Variants in ZP3 observed in about 807,000 individuals in gnomAD.
ZP3 encodes zona pellucida sperm-binding protein 3.
ZP3 carries 21 observed loss-of-function variants against 35.6 expected under a neutral mutation model. The observed-to-expected ratio is 0.59, with a 90% CI of 0.42 to 0.85. The LOEUF is 0.85. Ranked by LOEUF, ZP3 falls within the 40% of genes least tolerant of loss-of-function variation. ZP3 has a pLI of 0.00. For synonymous variants in ZP3, 207 were observed against 214.5 expected (o/e 0.96, Z 0.31); for missense variants, 437 against 536.5 (o/e 0.81, Z 1.83).
At chr7:76,430,518 G>A (rs1426219192) in intron 2 of ZP3, among the ~76,000 whole-genome samples, 15 of 152,062 alleles carry the variant, frequency 9.9e-5, no homozygotes, top group Admixed American at 7.9e-4. Context: ...GGCAGCTCAC[G>A]AGGTAAGGAG....
At chr7:76,435,330 T>C (rs551881031) in intron 5 of ZP3, among the ~76,000 whole-genome samples, 1,246 of 151,990 alleles carry the variant, frequency 8.2e-3, no homozygotes, top group African/African-American at 0.029. Context: ...TTTTTTTGTA[T>C]TTCTAGTAGA....
chr7:76,435,238 A>T (rs1805957181), intron 5 of ZP3, among the ~76,000 whole-genome samples: 1 of 152,278 alleles, frequency 6.6e-6, no homozygotes, highest in Non-Finnish European at 1.5e-5. Context: ...CAGCCACTCC[A>T]GGTTCCCAGG....
At chr7:76,435,708 C>T (rs1279582615) in intron 5 of ZP3, among the ~76,000 whole-genome samples, 6 of 151,552 alleles carry the variant, frequency 4.0e-5, no homozygotes, top group African/African-American at 9.7e-5. Flanking sequence ...TCAGTGTGCA[C>T]ACCATCTAGG....
Position 76,424,997 on chromosome 7 carries a change from C to G in ZP3, c.33C>G (p.Leu11=), listed in dbSNP as rs148715886. Residue 11 remains leucine, a synonymous_variant, in exon 1 of 8, where the codon CTC becomes CTG. Coordinates refer to ENST00000394857, the MANE Select transcript of ZP3 (RefSeq NM_001110354.2). ...TGAGCTATAGGCTCTTCATCTGCCT[C>G]CTGCTCTGGGGTAGTACTGAGCTGT... MELSYRLFIC[L]LLWGSTELCY... The G allele has an allele frequency of 7.1e-6, 11 of 1,557,802 alleles. No individual in the cohort carries two copies. In the African/African-American group the frequency reaches 1.2e-4, roughly 17 times the overall value.
intron 1 of ZP3, chr7:76,400,641 A>G: frequency 7.1e-7 from 1 of 1,413,120 alleles, no homozygotes. Flanking sequence ...TCCAACCTCC[A>G]GCATGCCCAC....
intron 1 of ZP3, among the ~76,000 whole-genome samples, chr7:76,417,380 C>T (rs1332868012): frequency 1.3e-5 from 2 of 151,594 alleles, no homozygotes; most frequent in Admixed American, 6.6e-5. Context: ...ACTTTCATTG[C>T]ATCCCTTACT....
intron 1 of ZP3, chr7:76,404,212 G>A: frequency 1.4e-6 from 2 of 1,423,938 alleles, no homozygotes; most frequent in Non-Finnish European, 1.9e-6. Context: ...ACAGGAACGA[G>A]CTCATTCACA....
chr7:76,440,795 C>G (rs1806174806), intron 7 of ZP3, among the ~76,000 whole-genome samples, 184 bp downstream of exon 7: 1 of 145,810 alleles, frequency 6.9e-6, no homozygotes, highest in African/African-American at 2.5e-5. Context: ...AGCCTTCCAC[C>G]TCGGTGGCAG....
At chr7:76,420,161 C>T (rs1805473066), upstream of ZP3, among the ~76,000 whole-genome samples, 1 of 150,860 alleles carries the variant, frequency 6.6e-6, no homozygotes, top group Non-Finnish European at 1.5e-5. Flanking sequence ...ATTCCTCTTC[C>T]TCTTCTTCCC....
Position 76,429,546 on chromosome 7 carries a change from T to C in ZP3, c.344T>C (p.Phe115Ser). Reference sequence around the variant, plus strand: ...GACGATGCCCTGGTGTACAGCACCTTCCTGCTCCATGACCCCCGCCCCGTG... The same window carrying C: ...GACGATGCCCTGGTGTACAGCACCTCCCTGCTCCATGACCCCCGCCCCGTG... ...VTDDALVYST[F>S]LLHDPRPVGN... The change falls in exon 2 of 8, where the codon TTC becomes TCC. Residue 115 changes from phenylalanine to serine, a missense_variant. By Grantham distance (155) the Phe-to-Ser change is radical (BLOSUM62 -2). Around this residue, in one of 6 missense-constraint regions of ZP3, gnomAD observed 352 missense variants for 308.4 expected, o/e 1.14. Coordinates refer to ENST00000394857, the MANE Select transcript of ZP3 (RefSeq NM_001110354.2). The C allele has an allele frequency of 6.8e-6, 11 of 1,614,058 alleles. No homozygotes were observed. The highest frequency in any genetic ancestry group is 9.3e-6 in the Non-Finnish European group (11 of 1,179,980).
In ZP3 at chr7:76,429,568, C is replaced by A. The variant is rs774866065; in HGVS notation, c.366C>A (p.Pro122=). Residue 122 remains proline (P), a synonymous_variant, in exon 2 of 8, where the codon CCC becomes CCA. Transcript: ENST00000394857. ...CCTTCCTGCTCCATGACCCCCGCCC[C>A]GTGGGAAACCTGTCCATCGTGAGGA... The part of the protein sequence containing the change: ...YSTFLLHDPR[P]VGNLSIVRTN... 1.9e-6 allele frequency: 3 copies of A among 1,614,110 alleles called. No homozygotes were observed. The South Asian group carries it at 3.3e-5, about 18-fold the overall frequency.
At chr7:76,416,897 CAT>C (rs1307613394) in intron 1 of ZP3, among the ~76,000 whole-genome samples, 1 of 136,298 alleles carries the variant, frequency 7.3e-6, no homozygotes, top group Non-Finnish European at 1.5e-5. Context: ...TATATATACA[CAT>C]ACATATGTAT....
At chr7:76,416,931 C>T (rs1351023202) in intron 1 of ZP3, among the ~76,000 whole-genome samples, 57 of 111,978 alleles carry the variant, frequency 5.1e-4, no homozygotes, top group African/African-American at 1.9e-3. Context: ...TATACACATA[C>T]ATATGTATAC....
At chr7:76,426,810 A>T (rs1271077020) in intron 1 of ZP3, among the ~76,000 whole-genome samples, 5 of 149,750 alleles carry the variant, frequency 3.3e-5, no homozygotes, top group African/African-American at 1.2e-4. Flanking sequence ...TGGGAGGATC[A>T]CTTGGGCCCG....
chr7:76,402,101 C>T (rs1374336484), intron 1 of ZP3, among the ~76,000 whole-genome samples: 3 of 151,830 alleles, frequency 2.0e-5, no homozygotes, highest in Non-Finnish European at 2.9e-5. Context: ...CTCACTGCAC[C>T]CTCCAATACC....
intron 1 of ZP3, among the ~76,000 whole-genome samples, chr7:76,427,515 C>CAAA (rs71085411): frequency 0.18 from 18,643 of 104,436 alleles, 1,691 homozygotes; most frequent in East Asian, 0.27. Context: ...GACTCCGTCT[C>CAAA]AAAAAAAAAA....
At chr7:76,425,839 C>T (rs1805634015) in intron 1 of ZP3, among the ~76,000 whole-genome samples, 1 of 152,012 alleles carries the variant, frequency 6.6e-6, no homozygotes, top group African/African-American at 2.4e-5. Flanking sequence ...GGTGTGGTGG[C>T]TCACGCCTGT....
At chr7:76,432,880 TG>T in intron 2 of ZP3, 46 bp from the exon 3 acceptor site, 1 of 1,533,708 alleles carries the variant, frequency 6.5e-7, no homozygotes, top group African/African-American at 1.4e-5. Flanking sequence ...GGGGCCCAGG[TG>T]GGTGTGACCT....
intron 2 of ZP3, among the ~76,000 whole-genome samples, chr7:76,431,850 G>T (rs1198049586): frequency 6.6e-6 from 1 of 150,978 alleles, no homozygotes; most frequent in African/African-American, 2.4e-5. Context: ...AGTGAGCCGA[G>T]ATCGTGCCAC....
Sources: gnomAD v4.1 joint callset for allele counts (sites outside exome capture counted in the v4.1 genomes callset) on GRCh38, gnomAD v4.1.1 for gene constraint, gnomAD v4.1.1 regional missense constraint, MANE v1.5 for transcripts, NCBI Gene and HGNC (gene_info 2026-07-23, HGNC 2026-07-21) for gene names.